The following RGS6 variants were observed in gnomAD, a reference collection of about 807,000 sequenced individuals.
The protein encoded by RGS6 is regulator of G protein signaling 6.
In RGS6, 30 loss-of-function variants were observed where a neutral mutation model predicts 78.5. The observed-to-expected ratio is 0.38, with a 90% CI of 0.29 to 0.52. RGS6 has a LOEUF of 0.52. RGS6 is among the 20% of genes least tolerant of loss of function. The probability of loss-of-function intolerance (pLI) is 0.85; values close to 1 mark genes in which losing one functional copy is unlikely to be tolerated. For synonymous variants in RGS6, 206 were observed against 206.0 expected (o/e 1.00, Z 0.00); for missense variants, 495 against 609.7 (o/e 0.81, Z 1.98).
chr14:72,039,753 T>C (rs2092178269), intron 2 of RGS6, among the ~76,000 whole-genome samples: 1 of 151,798 alleles, frequency 6.6e-6, no homozygotes. Flanking sequence ...ATATGTTGTA[T>C]CTATCTATTC....
chr14:72,327,224 A>C (rs559558370), intron 2 of RGS6, among the ~76,000 whole-genome samples: 43 of 152,238 alleles, frequency 2.8e-4, no homozygotes, highest in Admixed American at 2.6e-4. Flanking sequence ...TCCCAATTCA[A>C]ACTCCACATC....
At chr14:72,414,245 T>C (rs1006840158) in intron 3 of RGS6, among the ~76,000 whole-genome samples, 6 of 152,238 alleles carry the variant, frequency 3.9e-5, no homozygotes, top group African/African-American at 4.8e-5. Flanking sequence ...TACTCCCGTA[T>C]TTCTTGGAGA....
intron 2 of RGS6, among the ~76,000 whole-genome samples, chr14:72,276,882 T>C (rs921607465): frequency 2.6e-5 from 4 of 152,094 alleles, no homozygotes; most frequent in Admixed American, 6.6e-5. Context: ...AAAAAAAAGT[T>C]GAGAAACACT....
intron 1 of RGS6, among the ~76,000 whole-genome samples, chr14:71,964,005 G>A (rs899167221): frequency 4.0e-5 from 6 of 150,488 alleles, no homozygotes; most frequent in African/African-American, 1.5e-4. Flanking sequence ...TGATTTCCCT[G>A]TATCCTTGCC....
intron 2 of RGS6, among the ~76,000 whole-genome samples, chr14:72,010,368 A>G (rs2085424904): frequency 6.6e-6 from 1 of 152,210 alleles, no homozygotes; most frequent in African/African-American, 2.4e-5. Context: ...AATAGACTTT[A>G]TAGAAAGATA....
At chr14:72,126,078 G>A (rs146557288) in intron 2 of RGS6, among the ~76,000 whole-genome samples, 56 of 152,288 alleles carry the variant, frequency 3.7e-4, no homozygotes, top group African/African-American at 1.1e-3. Flanking sequence ...GTTAGCCCTC[G>A]CTTTCAGAGT....
chr14:72,121,597 G>C (rs2096054891), intron 2 of RGS6, among the ~76,000 whole-genome samples: 1 of 152,202 alleles, frequency 6.6e-6, no homozygotes, highest in Non-Finnish European at 1.5e-5. Context: ...GAGGTGGTGA[G>C]AGTTTATTGC....
At chr14:72,190,267 C>T (rs186438393) in intron 2 of RGS6, among the ~76,000 whole-genome samples, 4 of 152,322 alleles carry the variant, frequency 2.6e-5, no homozygotes, top group Admixed American at 1.3e-4. Flanking sequence ...AAATGAAATC[C>T]TCTGCCTCAT....
intron 1 of RGS6, among the ~76,000 whole-genome samples, chr14:71,949,822 G>A (rs114374758): frequency 0.019 from 2,637 of 137,072 alleles, 75 homozygotes; most frequent in African/African-American, 0.064. Context: ...TCTTTAGGTT[G>A]TAAAAATCTA....
At chr14:72,109,964 C>T (rs955645037) in intron 2 of RGS6, among the ~76,000 whole-genome samples, 2 of 152,202 alleles carry the variant, frequency 1.3e-5, no homozygotes, top group Non-Finnish European at 2.9e-5. Context: ...AATATTCAAT[C>T]TCATTACTAA....
chr14:72,198,408 A>T (rs1366171128), intron 2 of RGS6, among the ~76,000 whole-genome samples: 2 of 152,266 alleles, frequency 1.3e-5, no homozygotes, highest in Non-Finnish European at 2.9e-5. Context: ...CCATAAGCAG[A>T]CATTCAAATA....
At chr14:71,953,445 A>G (rs1337625947) in intron 1 of RGS6, among the ~76,000 whole-genome samples, 1 of 152,168 alleles carries the variant, frequency 6.6e-6, no homozygotes, top group Non-Finnish European at 1.5e-5. Context: ...CTCAAATTTC[A>G]TACAATTTTC....
At chr14:71,870,895 AT>A in the RGS6 span, among the ~76,000 whole-genome samples, 20 of 152,340 alleles carry the variant, frequency 1.3e-4, no homozygotes, top group African/African-American at 4.6e-4. Context: ...CATCCCAGTC[AT>A]TCTAAAAGGT....
At chr14:72,629,520 A>T in the RGS6 span, 1 of 1,115,968 alleles carries the variant, frequency 9.0e-7, no homozygotes, top group Non-Finnish European at 1.3e-6. Flanking sequence ...CCAGGGTAAC[A>T]GGCCCCAGGG....
intron 3 of RGS6, among the ~76,000 whole-genome samples, chr14:72,370,044 T>C (rs1264576610): frequency 6.6e-6 from 1 of 152,110 alleles, no homozygotes; most frequent in Non-Finnish European, 1.5e-5. Flanking sequence ...TTCATAACCA[T>C]ATATACATTT....
At chr14:72,120,754 T>C (rs1245457580) in intron 2 of RGS6, among the ~76,000 whole-genome samples, 1 of 152,044 alleles carries the variant, frequency 6.6e-6, no homozygotes, top group Non-Finnish European at 1.5e-5. Flanking sequence ...AAAACGAATC[T>C]AGGGGGAAAG....
At chr14:72,191,277 C>T (rs1267097366) in intron 2 of RGS6, among the ~76,000 whole-genome samples, 1 of 152,046 alleles carries the variant, frequency 6.6e-6, no homozygotes, top group Non-Finnish European at 1.5e-5. Context: ...AACTTTCGTC[C>T]ACACCTGCGT....
chr14:72,360,633 C>T (rs2081263155), intron 3 of RGS6, among the ~76,000 whole-genome samples: 1 of 151,864 alleles, frequency 6.6e-6, no homozygotes, highest in African/African-American at 2.4e-5. Flanking sequence ...TATAGATCTT[C>T]TCATTGTCTC....
chr14:72,448,501 A>T lies in RGS6; in HGVS notation c.185-6027A>T, dbSNP rs114848750. On this transcript the variant is annotated intron_variant, in intron 3 of 17. Transcript: ENST00000553525. ...TGATCATTGCATTTTTTTTCAATTA[A>T]GGCATAAAAGAAAAAAAAAAGACGG... 2.9e-3 allele frequency among the ~76,000 whole-genome samples: 410 copies of T among 139,302 alleles called. 2 individuals are homozygous for T. Among genetic ancestry groups the T allele is most frequent in the African/African-American group, 9.8e-3 (395 of 40,122 alleles). The allele number at this position is 139,302 out of a possible 152,430, so 91.4% of individuals were successfully genotyped here.
Sources: gnomAD v4.1 joint callset for allele counts (sites outside exome capture counted in the v4.1 genomes callset) on GRCh38, gnomAD v4.1.1 for gene constraint, MANE v1.5 for transcripts, NCBI Gene and HGNC (gene_info 2026-07-23, HGNC 2026-07-21) for gene names.